EBF1: variants seen among roughly 807,000 people sequenced by gnomAD.
EBF1 encodes the protein EBF transcription factor 1, also known as transcription factor COE1.
A neutral mutation model predicts 68.4 loss-of-function variants in EBF1; 10 were observed. The observed-to-expected ratio is 0.15, with a 90% CI of 0.09 to 0.25. The LOEUF (loss-of-function observed/expected upper bound fraction) is 0.25. Ranked by LOEUF, EBF1 falls within the 10% of genes least tolerant of loss-of-function variation. The probability of loss-of-function intolerance (pLI) is 1.00; values close to 1 mark genes in which losing one functional copy is unlikely to be tolerated. For synonymous variants in EBF1, 298 were observed against 299.8 expected (o/e 0.99, Z 0.06); for missense variants, 509 against 794.4 (o/e 0.64, Z 4.32).
chr5:159,098,124 C>T (rs1782984732), intron 1 of EBF1, among the ~76,000 whole-genome samples: 1 of 152,250 alleles, frequency 6.6e-6, no homozygotes, highest in Non-Finnish European at 1.5e-5. Context: ...CTTCCTTCTT[C>T]CCCTTCCGCA....
At chr5:159,086,760 C>T (rs1780706940) in intron 4 of EBF1, among the ~76,000 whole-genome samples, 1 of 152,082 alleles carries the variant, frequency 6.6e-6, no homozygotes, top group Non-Finnish European at 1.5e-5. Context: ...TTACTTTACC[C>T]TATGCAATTC....
chr5:158,945,598 C>G (rs1048229935), intron 6 of EBF1, among the ~76,000 whole-genome samples: 1 of 152,214 alleles, frequency 6.6e-6, no homozygotes, highest in African/African-American at 2.4e-5. Context: ...TCTGGCTGTC[C>G]TTAACATTTT....
At chr5:159,050,740 C>T (rs951867491) in intron 6 of EBF1, among the ~76,000 whole-genome samples, 14 of 152,208 alleles carry the variant, frequency 9.2e-5, no homozygotes, top group African/African-American at 2.9e-4. Context: ...CAGCCAGGAG[C>T]CCTCCTTCCC....
rs1265470290 is a variant in EBF1, at chr5:158,936,374, C to T, written c.555-96264G>A. ...CCTGCCACCTCTGTGACTTCAGGTTCAGGTTTGTTACTTTGTATCCTAGAG... is the reference window on the plus strand; with the variant it reads ...CCTGCCACCTCTGTGACTTCAGGTTTAGGTTTGTTACTTTGTATCCTAGAG... On this transcript the variant is annotated intron_variant, in intron 6 of 15. Transcript: ENST00000313708. Among the ~76,000 whole-genome samples, 5 of 152,282 alleles carry T rather than the reference C, an allele frequency of 3.3e-5. No homozygotes were observed. In the East Asian group the frequency reaches 5.8e-4, roughly 18 times the overall value.
rs186729988 is a variant in EBF1, at chr5:158,912,524, C to T, written c.555-72414G>A. Reference sequence around the variant, plus strand: ...GAGAATATTTAAGAATACAGATTCTCAAGCCTCACCCCAGGCCTACTGAAC... The same window carrying T: ...GAGAATATTTAAGAATACAGATTCTTAAGCCTCACCCCAGGCCTACTGAAC... On this transcript the variant is annotated intron_variant, in intron 6 of 15. Coordinates refer to ENST00000313708, the MANE Select transcript of EBF1 (RefSeq NM_024007.5). Among the ~76,000 whole-genome samples the T allele has an allele frequency of 2.4e-4, 36 of 152,248 alleles. 1 individual carries two copies. In the East Asian group the frequency reaches 6.6e-3, roughly 28 times the overall value.
intron 9 of EBF1, among the ~76,000 whole-genome samples, chr5:158,792,726 C>T (rs1778894252): frequency 1.3e-5 from 2 of 152,194 alleles, no homozygotes; most frequent in South Asian, 2.1e-4. Flanking sequence ...AGGGATCCAG[C>T]TCTAGAGATG....
intron 15 of EBF1, among the ~76,000 whole-genome samples, chr5:158,704,497 A>C (rs959290489): frequency 1.5e-4 from 23 of 152,290 alleles, no homozygotes; most frequent in African/African-American, 5.1e-4. Context: ...AACCTGTCTT[A>C]ATGATCACAA....
intron 6 of EBF1, among the ~76,000 whole-genome samples, chr5:159,022,253 T>G (rs1335291456): frequency 1.3e-5 from 2 of 152,172 alleles, no homozygotes; most frequent in African/African-American, 4.8e-5. Context: ...TAATTAAAGC[T>G]TACAGAACTA....
At chr5:158,900,186 T>C (rs189109612) in intron 6 of EBF1, among the ~76,000 whole-genome samples, 3 of 152,326 alleles carry the variant, frequency 2.0e-5, no homozygotes, top group Middle Eastern at 3.4e-3. Flanking sequence ...TAAGAAGATG[T>C]TCTTGTGTTT....
chr5:159,029,905 C>T (rs950926586), intron 6 of EBF1, among the ~76,000 whole-genome samples: 2 of 150,616 alleles, frequency 1.3e-5, no homozygotes, highest in South Asian at 4.2e-4. Flanking sequence ...TGCAGTGAGC[C>T]AAGATCACAC....
At chr5:159,010,572 A>T (rs1275324651) in intron 6 of EBF1, among the ~76,000 whole-genome samples, 3 of 152,236 alleles carry the variant, frequency 2.0e-5, no homozygotes, top group Non-Finnish European at 4.4e-5. Flanking sequence ...TAAACCATTT[A>T]TACTGATCTT....
intron 11 of EBF1, among the ~76,000 whole-genome samples, chr5:158,721,237 T>C (rs1395444142): frequency 1.3e-5 from 2 of 152,156 alleles, no homozygotes; most frequent in African/African-American, 4.8e-5. Context: ...GCATGCGGCA[T>C]GGTTGGAGGT....
At chr5:158,786,898 C>T (rs1777559014) in intron 9 of EBF1, among the ~76,000 whole-genome samples, 1 of 152,096 alleles carries the variant, frequency 6.6e-6, no homozygotes, top group African/African-American at 2.4e-5. Context: ...CACCAAAAGA[C>T]TTGTAGAGTC....
intron 8 of EBF1, among the ~76,000 whole-genome samples, chr5:158,812,361 G>C (rs1782828870): frequency 6.6e-6 from 1 of 152,144 alleles, no homozygotes; most frequent in African/African-American, 2.4e-5. Context: ...ACAACTGGTG[G>C]CTACGTGGAG....
intron 6 of EBF1, among the ~76,000 whole-genome samples, chr5:158,907,108 G>A (rs1804815339): frequency 6.6e-6 from 1 of 152,200 alleles, no homozygotes; most frequent in Admixed American, 6.5e-5. Flanking sequence ...AAGTTGGTCA[G>A]ACTAAAAGTA....
chr5:158,897,259 C>T (rs1802355185), intron 6 of EBF1, among the ~76,000 whole-genome samples: 1 of 152,144 alleles, frequency 6.6e-6, no homozygotes, highest in Non-Finnish European at 1.5e-5. Context: ...AGATCATGTC[C>T]TTTGCGGGAC....
chr5:158,840,427 G>A (rs1390147268), intron 6 of EBF1, among the ~76,000 whole-genome samples: 2 of 152,118 alleles, frequency 1.3e-5, no homozygotes, highest in East Asian at 3.8e-4. Context: ...GGATATAATT[G>A]TCTGAGAATT....
At chr5:159,043,149 A>T (rs992768708) in intron 6 of EBF1, among the ~76,000 whole-genome samples, 1 of 152,184 alleles carries the variant, frequency 6.6e-6, no homozygotes, top group Non-Finnish European at 1.5e-5. Context: ...CAAAAACTCC[A>T]AGTTCCAAAG....
intron 6 of EBF1, among the ~76,000 whole-genome samples, chr5:158,952,262 A>AT: frequency 6.6e-6 from 1 of 152,256 alleles, no homozygotes; most frequent in Middle Eastern, 3.4e-3. Flanking sequence ...TAATTAACCC[A>AT]TTTTTGTAGA....
Sources: gnomAD v4.1 joint callset for allele counts (sites outside exome capture counted in the v4.1 genomes callset) on GRCh38, gnomAD v4.1.1 for gene constraint, MANE v1.5 for transcripts, NCBI Gene and HGNC (gene_info 2026-07-23, HGNC 2026-07-21) for gene names.